CHRNB3: variants seen among roughly 807,000 people sequenced by gnomAD.
CHRNB3 encodes cholinergic receptor nicotinic beta 3 subunit, also known as neuronal acetylcholine receptor subunit beta-3.
In CHRNB3, 37 loss-of-function variants were observed where a neutral mutation model predicts 40.6. The observed-to-expected ratio is 0.91, with a 90% CI of 0.70 to 1.20. The LOEUF is 1.20. Ranked by LOEUF, CHRNB3 falls within the 50% of genes most tolerant of loss-of-function variation. The pLI is 0.00. For synonymous variants in CHRNB3, 207 were observed against 207.1 expected (o/e 1.00, Z 0.00); for missense variants, 505 against 551.2 (o/e 0.92, Z 0.84).
intron 3 of CHRNB3, among the ~76,000 whole-genome samples, chr8:42,722,710 C>A (rs930700521): frequency 3.9e-5 from 6 of 152,118 alleles, no homozygotes; most frequent in Admixed American, 2.0e-4. Flanking sequence ...CACAGACACA[C>A]AACTACACCC....
chr8:42,730,137 A>C (rs1816378244), intron 3 of CHRNB3, among the ~76,000 whole-genome samples: 1 of 152,214 alleles, frequency 6.6e-6, no homozygotes, highest in South Asian at 2.1e-4. Context: ...TCATATTAAC[A>C]TAGCAGGTGG....
Position 42,736,669 on chromosome 8 carries a change from A to G in CHRNB3, c.*51A>G, listed in dbSNP as rs748565086. ...TACACCTTAGACCTGACATCTGGCT[A>G]TCACACAGACAGAATCCAAATGCAT... is the stretch of plus-strand genomic sequence containing the variant. On this transcript the variant is annotated 3_prime_UTR_variant, in exon 6 of 6. Coordinates refer to ENST00000289957, the MANE Select transcript of CHRNB3 (RefSeq NM_000749.5). The G allele has an allele frequency of 9.4e-6, 15 of 1,603,668 alleles. No individual in the cohort carries two copies. The highest frequency in any genetic ancestry group is 1.3e-5 in the Non-Finnish European group (15 of 1,171,608).
chr8:42,725,854 T>TG, intron 3 of CHRNB3: 1 of 812,768 alleles, frequency 1.2e-6, no homozygotes, highest in Non-Finnish European at 2.2e-6. Context: ...TTTTAGGTTC[T>TG]GGGGGGTGAC....
At chr8:42,715,888 A>C (rs1816090343) in intron 3 of CHRNB3, among the ~76,000 whole-genome samples, 2 of 152,046 alleles carry the variant, frequency 1.3e-5, no homozygotes. Flanking sequence ...GAAAGTACTT[A>C]CTGCTCCAGT....
intron 3 of CHRNB3, among the ~76,000 whole-genome samples, chr8:42,717,324 A>T (rs981525587): frequency 3.6e-5 from 4 of 111,214 alleles, no homozygotes; most frequent in Non-Finnish European, 7.1e-5. Flanking sequence ...CAGTGAGCCG[A>T]GATCCCGCCA....
intron 1 of CHRNB3, among the ~76,000 whole-genome samples, chr8:42,708,094 G>A (rs1815948654): frequency 2.0e-5 from 3 of 152,184 alleles, no homozygotes; most frequent in Admixed American, 1.3e-4. Context: ...GGTCGGGGTG[G>A]CTGCAGATGG....
chr8:42,711,687 A>G (rs1217927101), intron 3 of CHRNB3, among the ~76,000 whole-genome samples: 1 of 152,024 alleles, frequency 6.6e-6, no homozygotes, highest in Non-Finnish European at 1.5e-5. Flanking sequence ...GAGCCACTGT[A>G]TGTATTTATT....
intron 3 of CHRNB3, chr8:42,725,455 C>G: frequency 1.6e-6 from 1 of 631,952 alleles, no homozygotes; most frequent in Non-Finnish European, 2.8e-6. Context: ...ATAATCTTCT[C>G]TGAAGATACT....
At chr8:42,710,290 C>A (rs1033468302) in intron 2 of CHRNB3, 100 bp from the exon 3 acceptor site, 2 of 925,696 alleles carry the variant, frequency 2.2e-6, no homozygotes, top group Non-Finnish European at 3.4e-6. Context: ...TGCACTCCAG[C>A]CTGGGCAACA....
At chr8:42,700,807 G>A (rs1815778984) in intron 1 of CHRNB3, among the ~76,000 whole-genome samples, 1 of 152,150 alleles carries the variant, frequency 6.6e-6, no homozygotes, top group Non-Finnish European at 1.5e-5. Flanking sequence ...AGAGAGAAAA[G>A]TTTTATCTGT....
chr8:42,711,855 C>T (rs1586396864), intron 3 of CHRNB3, among the ~76,000 whole-genome samples: 1 of 152,018 alleles, frequency 6.6e-6, no homozygotes, highest in African/African-American at 2.4e-5. Flanking sequence ...TCCTTCCCTC[C>T]CTTCCCCTTC....
At chr8:42,724,688 G>A (rs1248346033) in intron 3 of CHRNB3, among the ~76,000 whole-genome samples, 2 of 151,832 alleles carry the variant, frequency 1.3e-5, no homozygotes, top group Non-Finnish European at 2.9e-5. Context: ...TGTAGAAAAC[G>A]CTGGAATTGG....
In CHRNB3 at chr8:42,700,909, G is replaced by A. The variant is rs941200752; in HGVS notation, c.52+3311G>A. Among the ~76,000 whole-genome samples, 6 of 151,974 alleles carry A rather than the reference G, an allele frequency of 3.9e-5. No homozygotes were observed. The South Asian group carries it at 6.2e-4, about 16-fold the overall frequency. ...ATGGAGGTGGGAAGAGAGCAGGGGC[G>A]TCTGAGAGACTGAGGAAACAGAATC... On this transcript the variant is annotated intron_variant, in intron 1 of 5. Coordinates refer to ENST00000289957, the MANE Select transcript of CHRNB3 (RefSeq NM_000749.5).
chr8:42,703,449 T>A lies in CHRNB3; in HGVS notation c.53-5268T>A, dbSNP rs1197550001. Among the ~76,000 whole-genome samples, 20 of 101,346 alleles carry A rather than the reference T, an allele frequency of 2.0e-4. 2 individuals carry two copies. Among genetic ancestry groups the A allele is most frequent in the South Asian group, 1.6e-3 (4 of 2,568 alleles). 66.5% of individuals were successfully genotyped at this position (101,346 alleles called of 152,430 possible). A position where few individuals can be genotyped will look rare whatever the true frequency, so the allele number is the denominator to read the frequency against. ...AAAAAAAAAAAAATATTTATATATA[T>A]ATATATATATATGTATCCACAATGG... is the stretch of plus-strand genomic sequence containing the variant. On this transcript the variant is annotated intron_variant, in intron 1 of 5. Coordinates refer to ENST00000289957, the MANE Select transcript of CHRNB3 (RefSeq NM_000749.5).
chr8:42,733,808 A>G (rs187737328), intron 5 of CHRNB3, among the ~76,000 whole-genome samples: 27 of 151,006 alleles, frequency 1.8e-4, no homozygotes, highest in Non-Finnish European at 3.1e-4. Context: ...GTTGGCCAGA[A>G]TGGTCTCGAA....
In CHRNB3 at chr8:42,730,267, TTTTG is replaced by T. The variant is rs1199983578; in HGVS notation, c.250-316_250-313del. 6.6e-5 allele frequency among the ~76,000 whole-genome samples: 10 copies of T among 152,308 alleles called. No individual in the cohort carries two copies. The South Asian group carries it at 1.0e-3, about 16-fold the overall frequency. ...TGAATTAGACACATCATTGCTTTTCTTTTGTTTGTTTGTTAAGAGAAAATAGGAT... is the reference window on the plus strand; with the variant it reads ...TGAATTAGACACATCATTGCTTTTCTTTTGTTTGTTAAGAGAAAATAGGAT... On this transcript the variant is annotated intron_variant, in intron 3 of 5. Coordinates refer to ENST00000289957, the MANE Select transcript of CHRNB3 (RefSeq NM_000749.5).
intron 5 of CHRNB3, among the ~76,000 whole-genome samples, chr8:42,735,016 G>A (rs776677432): frequency 4.8e-5 from 7 of 145,406 alleles, no homozygotes; most frequent in Admixed American, 6.9e-5. Context: ...GTCAGGAGAC[G>A]GAGACCATCC....
At chr8:42,713,071 A>G (rs1816044632) in intron 3 of CHRNB3, among the ~76,000 whole-genome samples, 2 of 151,922 alleles carry the variant, frequency 1.3e-5, no homozygotes, top group South Asian at 2.1e-4. Context: ...CATGTTGGCC[A>G]GGCTGGTCTC....
chr8:42,722,186 C>T (rs970830594), intron 3 of CHRNB3, among the ~76,000 whole-genome samples: 1 of 151,972 alleles, frequency 6.6e-6, no homozygotes, highest in East Asian at 1.9e-4. Context: ...CCAGCCTGAC[C>T]GACATGGCAA....
Sources: gnomAD v4.1 joint callset for allele counts (sites outside exome capture counted in the v4.1 genomes callset) on GRCh38, gnomAD v4.1.1 for gene constraint, MANE v1.5 for transcripts, NCBI Gene and HGNC (gene_info 2026-07-23, HGNC 2026-07-21) for gene names.